ELAVL2: variants seen among roughly 807,000 people sequenced by gnomAD.
ELAVL2 encodes the protein ELAV-like protein 2.
A neutral mutation model predicts 34.6 loss-of-function variants in ELAVL2; 4 were observed. The observed-to-expected ratio is 0.12, with a 90% confidence interval of 0.06 to 0.26. ELAVL2 has a LOEUF of 0.26. ELAVL2 is among the 10% of genes least tolerant of loss of function. The pLI is 1.00. For synonymous variants in ELAVL2, 193 were observed against 154.8 expected, an observed-to-expected ratio of 1.25 and a Z score of -1.83; for missense variants, 432 against 442.8, an observed-to-expected ratio of 0.98 and a Z score of 0.22.
intron 2 of ELAVL2, chr9:23,735,231 A>C (rs2047587282): frequency 1.3e-5 from 2 of 151,948 alleles, no homozygotes; most frequent in African/African-American, 2.4e-5. Flanking sequence ...TATTCTCAGA[A>C]GCTACCTGTG....
intron 2 of ELAVL2, among the ~76,000 whole-genome samples, chr9:23,753,337 A>C (rs980282592): frequency 5.3e-5 from 8 of 152,126 alleles, no homozygotes; most frequent in African/African-American, 1.9e-4. Flanking sequence ...TCCAATAATC[A>C]ACTATTCTGT....
chr9:23,748,518 C>T (rs559554301), intron 2 of ELAVL2, among the ~76,000 whole-genome samples: 2 of 152,222 alleles, frequency 1.3e-5, no homozygotes, highest in African/African-American at 4.8e-5. Context: ...ACTGCCTCTT[C>T]CTCCAGGTAA....
intron 2 of ELAVL2, among the ~76,000 whole-genome samples, chr9:23,759,759 TATATATATATA>T (rs1193349242): frequency 2.4e-5 from 2 of 84,032 alleles, no homozygotes; most frequent in African/African-American, 1.4e-4. Flanking sequence ...TAGTATTATA[TATATATATATA>T]TATATATATA....
At chr9:23,699,812 G>GTTTTTTTTTTTTTTTTT (rs199637833) in intron 5 of ELAVL2, among the ~76,000 whole-genome samples, 5 of 82,978 alleles carry the variant, frequency 6.0e-5, no homozygotes, top group East Asian at 4.5e-4. Context: ...GGTGGCAAAG[G>GTTTTTTTTTTTTTTTTT]TTTTTTTTTT....
chr9:23,759,503 T>G lies in ELAVL2; in HGVS notation c.229+2503A>C, dbSNP rs376341956. On this transcript the variant is annotated intron_variant, in intron 2 of 6. Coordinates refer to ENST00000397312, the MANE Select transcript of ELAVL2 (RefSeq NM_004432.5). ...GTGCTATTCCACAGAAGGGTGACTA[T>G]GGTTAGCAATATTGTATAGTATACT... 9.9e-3 allele frequency among the ~76,000 whole-genome samples: 1,497 copies of G among 151,696 alleles called. 8 individuals carry two copies. Among genetic ancestry groups the G allele is most frequent in the Middle Eastern group, 0.024 (7 of 294 alleles).
chr9:23,813,008 A>T (rs983089756), intron 1 of ELAVL2, among the ~76,000 whole-genome samples: 3 of 152,158 alleles, frequency 2.0e-5, no homozygotes, highest in African/African-American at 7.2e-5. Context: ...ACAAAAGTTA[A>T]CTAGAAATGT....
chr9:23,849,716 T>G, the ELAVL2 span: 1 of 152,196 alleles, frequency 6.6e-6, no homozygotes, highest in Admixed American at 6.5e-5. Flanking sequence ...AATACAGAAC[T>G]TGTCCACTGA....
intron 3 of ELAVL2, among the ~76,000 whole-genome samples, chr9:23,723,359 G>A (rs982714753): frequency 1.3e-5 from 2 of 151,830 alleles, no homozygotes; most frequent in African/African-American, 4.8e-5. Flanking sequence ...CTCATAGGTG[G>A]GAACTGAACA....
At chr9:23,830,626 C>CACACACACACACCTT (rs1491521757), upstream of ELAVL2, among the ~76,000 whole-genome samples, 2 of 72,550 alleles carry the variant, frequency 2.8e-5, no homozygotes, top group African/African-American at 8.1e-5. Flanking sequence ...ACACACACAC[C>CACACACACACACCTT]TTTTTTTTTT....
At chr9:23,733,798 GA>G (rs1488396971) in intron 2 of ELAVL2, among the ~76,000 whole-genome samples, 1 of 152,058 alleles carries the variant, frequency 6.6e-6, no homozygotes, top group Non-Finnish European at 1.5e-5. Flanking sequence ...GAAACTTACT[GA>G]TGTTATTTAT....
intron 1 of ELAVL2, among the ~76,000 whole-genome samples, chr9:23,797,409 G>C (rs1358556667): frequency 6.6e-6 from 1 of 152,160 alleles, no homozygotes; most frequent in Non-Finnish European, 1.5e-5. Flanking sequence ...GAAGAAATGT[G>C]TAAGTCATCT....
intron 3 of ELAVL2, among the ~76,000 whole-genome samples, chr9:23,710,786 A>G (rs1026943413): frequency 6.6e-6 from 1 of 152,186 alleles, no homozygotes; most frequent in African/African-American, 2.4e-5. Flanking sequence ...CTATAACTCA[A>G]TAAAAGTTAG....
intron 2 of ELAVL2, among the ~76,000 whole-genome samples, chr9:23,753,641 T>C (rs1189832694): frequency 6.6e-6 from 1 of 152,158 alleles, no homozygotes; most frequent in Non-Finnish European, 1.5e-5. Flanking sequence ...TTTTATCTTC[T>C]AACTGAACTA....
At chr9:23,696,872 G>C (rs1354884746) in intron 5 of ELAVL2, among the ~76,000 whole-genome samples, 1 of 151,736 alleles carries the variant, frequency 6.6e-6, no homozygotes, top group Non-Finnish European at 1.5e-5. Context: ...TGATAACGTA[G>C]TACATATGGA....
At chr9:23,805,093 A>G (rs2062042669) in intron 1 of ELAVL2, among the ~76,000 whole-genome samples, 1 of 152,220 alleles carries the variant, frequency 6.6e-6, no homozygotes, top group Non-Finnish European at 1.5e-5. Flanking sequence ...AGGAATTTCA[A>G]AATGGAAGTG....
intron 5 of ELAVL2, among the ~76,000 whole-genome samples, chr9:23,693,872 T>A (rs1478323616): frequency 6.6e-6 from 1 of 152,220 alleles, no homozygotes; most frequent in Non-Finnish European, 1.5e-5. Flanking sequence ...TGCCTGCAGA[T>A]ACCTAAGGCA....
chr9:23,695,322 G>A (rs2034760871), intron 5 of ELAVL2, among the ~76,000 whole-genome samples: 1 of 152,128 alleles, frequency 6.6e-6, no homozygotes, highest in African/African-American at 2.4e-5. Flanking sequence ...GAATGCAGAG[G>A]CACCTTATCA....
chr9:23,791,264 C>G (rs566423162), intron 1 of ELAVL2, among the ~76,000 whole-genome samples: 2 of 152,152 alleles, frequency 1.3e-5, no homozygotes, highest in Non-Finnish European at 2.9e-5. Flanking sequence ...AGCAAGGAGT[C>G]TTGACCAATC....
chr9:23,767,105 C>T (rs886876973), intron 1 of ELAVL2, among the ~76,000 whole-genome samples: 2 of 152,080 alleles, frequency 1.3e-5, no homozygotes, highest in East Asian at 1.9e-4. Flanking sequence ...CACTGGGCTC[C>T]AAGGTAAAAT....
Sources: gnomAD v4.1 joint callset for allele counts (sites outside exome capture counted in the v4.1 genomes callset) on GRCh38, gnomAD v4.1.1 for gene constraint, MANE v1.5 for transcripts, NCBI Gene and HGNC (gene_info 2026-07-23, HGNC 2026-07-21) for gene names.